PDE3A: variants seen among roughly 807,000 people sequenced by gnomAD.
The protein encoded by PDE3A is cGMP-inhibited 3',5'-cyclic phosphodiesterase 3A.
Under a neutral mutation model 98.3 loss-of-function variants are expected in PDE3A, and 43 were observed. The observed-to-expected ratio is 0.44, with a 90% CI of 0.34 to 0.56. The LOEUF is 0.56. Ranked by LOEUF, PDE3A falls within the 20% of genes least tolerant of loss-of-function variation. PDE3A has a pLI of 0.01. For synonymous variants in PDE3A, 663 were observed against 567.9 expected, an observed-to-expected ratio of 1.17 and a Z score of -2.38; for missense variants, 1,427 against 1,440.7, an observed-to-expected ratio of 0.99 and a Z score of 0.15.
chr12:20,424,422 C>A (rs1342134802), intron 1 of PDE3A, among the ~76,000 whole-genome samples: 2 of 151,962 alleles, frequency 1.3e-5, no homozygotes, highest in Admixed American at 1.3e-4. Flanking sequence ...TCTATAGATA[C>A]AAATAGATGT....
At chr12:20,549,691 A>G (rs879722790) in intron 1 of PDE3A, among the ~76,000 whole-genome samples, 7 of 152,090 alleles carry the variant, frequency 4.6e-5, no homozygotes, top group Non-Finnish European at 7.4e-5. Context: ...TTAAAATACT[A>G]CCACATTCTT....
intron 1 of PDE3A, among the ~76,000 whole-genome samples, chr12:20,547,566 G>C (rs1942090496): frequency 6.6e-6 from 1 of 152,086 alleles, no homozygotes; most frequent in Non-Finnish European, 1.5e-5. Context: ...TAAAAGAATA[G>C]TTTTCTTGAG....
intron 1 of PDE3A, chr12:20,551,945 C>T (rs924110782): frequency 5.0e-6 from 8 of 1,612,924 alleles, no homozygotes; most frequent in South Asian, 1.1e-5. Context: ...GTCAGCGAGT[C>T]GGGTGTCCAT....
intron 2 of PDE3A, among the ~76,000 whole-genome samples, chr12:20,578,152 G>GAGTT (rs1486016409): frequency 5.9e-5 from 9 of 152,136 alleles, no homozygotes; most frequent in Admixed American, 3.9e-4. Context: ...TACAAGGCAG[G>GAGTT]AGTTAGTCTA....
At chr12:20,432,221 A>C (rs1944710165) in intron 1 of PDE3A, among the ~76,000 whole-genome samples, 1 of 152,178 alleles carries the variant, frequency 6.6e-6, no homozygotes, top group Non-Finnish European at 1.5e-5. Flanking sequence ...GCAAATAATA[A>C]ATAATTTACT....
At chr12:20,487,325 C>G (rs946759884) in intron 1 of PDE3A, among the ~76,000 whole-genome samples, 1 of 151,702 alleles carries the variant, frequency 6.6e-6, no homozygotes, top group African/African-American at 2.4e-5. Context: ...GTTAAAGTAT[C>G]ACATACATTT....
In PDE3A at chr12:20,460,247, GA is replaced by G. The variant is rs560025290; in HGVS notation, c.960+90006del. Among the ~76,000 whole-genome samples the G allele has an allele frequency of 7.2e-5, 11 of 152,330 alleles. No individual in the cohort carries two copies. In the South Asian group the frequency reaches 2.3e-3, roughly 32 times the overall value. On this transcript the variant is annotated intron_variant, in intron 1 of 15. Transcript: ENST00000359062. ...GAGTCTTCCTGCCTCCTGTGAATCA[GA>G]AAGATGGGGATGGAGTTGATGGCCA...
At position 20,680,388 on chromosome 12, in the gene PDE3A, C is replaced by G; in HGVS notation, c.*117C>G. ...ATTTGAGATGGGCAAATGGCTATTG[C>G]ATTTTGGGATTCTTCGCATTTTGTG... On this transcript the variant is annotated 3_prime_UTR_variant, in exon 16 of 16. Coordinates refer to ENST00000359062, the MANE Select transcript of PDE3A (RefSeq NM_000921.5). 1 of 1,069,164 alleles carries G rather than the reference C, an allele frequency of 9.4e-7. No homozygotes were observed. Among genetic ancestry groups the G allele is most frequent in the East Asian group, 2.4e-5 (1 of 41,026 alleles). 66.2% of individuals were successfully genotyped at this position (1,069,164 alleles called of 1,614,324 possible). A position where few individuals can be genotyped will look rare whatever the true frequency, so the allele number is the denominator to read the frequency against.
intron 2 of PDE3A, among the ~76,000 whole-genome samples, chr12:20,590,408 T>A (rs1384779879): frequency 6.8e-6 from 1 of 148,110 alleles, no homozygotes; most frequent in Non-Finnish European, 1.5e-5. Flanking sequence ...GAGTGAGAGG[T>A]GGCATGTGGT....
rs139458375 is a variant in PDE3A at position 20,465,067 on chromosome 12, C to A, written c.961-91593C>A. On this transcript the variant is annotated intron_variant, in intron 1 of 15. Transcript: ENST00000359062. Reference sequence around the variant, plus strand: ...CCTGTGTTTTAAGGTTCATCATACCCCATTTTTATTTTCAATTTTTAAAAA... The same window carrying A: ...CCTGTGTTTTAAGGTTCATCATACCACATTTTTATTTTCAATTTTTAAAAA... Among the ~76,000 whole-genome samples, 3 of 152,178 alleles carry A rather than the reference C, an allele frequency of 2.0e-5. No individual in the cohort carries two copies. In the East Asian group the frequency reaches 5.8e-4, roughly 29 times the overall value.
chr12:20,424,413 C>G (rs986941259), intron 1 of PDE3A, among the ~76,000 whole-genome samples: 1 of 148,182 alleles, frequency 6.7e-6, no homozygotes, highest in Non-Finnish European at 1.5e-5. Context: ...AAAAATTTTT[C>G]TATAGATACA....
intron 1 of PDE3A, among the ~76,000 whole-genome samples, chr12:20,430,729 T>C (rs570319609): frequency 6.6e-6 from 1 of 152,312 alleles, no homozygotes; most frequent in East Asian, 1.9e-4. Flanking sequence ...TATAGAAGCA[T>C]TGGCTGCAGC....
At chr12:20,478,781 G>C (rs542273943) in intron 1 of PDE3A, among the ~76,000 whole-genome samples, 1 of 152,108 alleles carries the variant, frequency 6.6e-6, no homozygotes, top group Non-Finnish European at 1.5e-5. Flanking sequence ...TTTATGGGCT[G>C]TATTTCAACA....
At chr12:20,379,594 G>T (rs955220454) in intron 1 of PDE3A, among the ~76,000 whole-genome samples, 5 of 151,702 alleles carry the variant, frequency 3.3e-5, no homozygotes, top group African/African-American at 1.2e-4. Flanking sequence ...CTTGCTTATT[G>T]TAAGTGCTGG....
intron 1 of PDE3A, among the ~76,000 whole-genome samples, chr12:20,383,862 G>A (rs978919744): frequency 1.4e-4 from 22 of 152,096 alleles, no homozygotes; most frequent in African/African-American, 5.3e-4. Context: ...AGCAAAGAAA[G>A]GATGTTACCA....
At chr12:20,554,044 A>C (rs1256577127) in intron 1 of PDE3A, among the ~76,000 whole-genome samples, 1 of 151,012 alleles carries the variant, frequency 6.6e-6, no homozygotes, top group Non-Finnish European at 1.5e-5. Context: ...TTTTGTAGTT[A>C]CTGTATATGT....
intron 2 of PDE3A, among the ~76,000 whole-genome samples, chr12:20,565,962 G>C (rs1288372901): frequency 6.6e-6 from 1 of 151,792 alleles, no homozygotes; most frequent in African/African-American, 2.4e-5. Flanking sequence ...GTTTTACCTT[G>C]GGAGAACAAA....
chr12:20,645,847 T>C (rs1944764060), intron 10 of PDE3A, among the ~76,000 whole-genome samples: 1 of 152,188 alleles, frequency 6.6e-6, no homozygotes, highest in Non-Finnish European at 1.5e-5. Context: ...ATGGCTTAGC[T>C]TCCTACATTA....
intron 1 of PDE3A, among the ~76,000 whole-genome samples, chr12:20,413,487 G>A (rs534459539): frequency 6.6e-6 from 1 of 152,152 alleles, no homozygotes; most frequent in African/African-American, 2.4e-5. Flanking sequence ...ACCCATGACT[G>A]TATTTCTCCT....
Sources: allele counts gnomAD v4.1 joint callset (sites outside exome capture counted in the v4.1 genomes callset), GRCh38; gene constraint gnomAD v4.1.1; transcripts MANE v1.5; gene names NCBI Gene and HGNC (gene_info 2026-07-23, HGNC 2026-07-21).